The following AKT3 variants were observed in gnomAD, a reference collection of about 807,000 sequenced individuals.
The protein encoded by AKT3 is RAC-gamma serine/threonine-protein kinase.
AKT3 carries 15 observed loss-of-function variants against 65.3 expected under a neutral mutation model. That is an observed-to-expected ratio of 0.23 (90% CI 0.15 to 0.35). AKT3 has a LOEUF of 0.35. AKT3 is among the 10% of genes least tolerant of loss of function. The pLI is 1.00. For missense variants in AKT3, 243 were observed against 576.5 expected (o/e 0.42, Z 5.92); for synonymous variants, 206 against 183.8 (o/e 1.12, Z -0.98).
intron 2 of AKT3, among the ~76,000 whole-genome samples, chr1:243,803,692 A>G (rs1692530651): frequency 7.4e-6 from 1 of 135,204 alleles, no homozygotes; most frequent in Admixed American, 7.5e-5. Context: ...ACACACACAC[A>G]TAAGACTGAA....
At chr1:243,579,709 A>G (rs1675196612) in intron 8 of AKT3, among the ~76,000 whole-genome samples, 1 of 152,246 alleles carries the variant, frequency 6.6e-6, no homozygotes, top group Non-Finnish European at 1.5e-5. Flanking sequence ...ATTGACTTAT[A>G]TAACTACAAT....
intron 4 of AKT3, among the ~76,000 whole-genome samples, chr1:243,655,519 G>A (rs1324315033): frequency 6.6e-6 from 1 of 151,170 alleles, no homozygotes; most frequent in Non-Finnish European, 1.5e-5. Context: ...AACAAGTCCT[G>A]GACACAACAC....
chr1:243,846,075 A>G (rs1004774055), intron 1 of AKT3, among the ~76,000 whole-genome samples: 2 of 152,230 alleles, frequency 1.3e-5, no homozygotes, highest in Non-Finnish European at 2.9e-5. Context: ...AGATGGCATC[A>G]TAAGTGAAAG....
At chr1:243,497,306 A>T (rs1397732223), downstream of AKT3, among the ~76,000 whole-genome samples, 2 of 117,246 alleles carry the variant, frequency 1.7e-5, no homozygotes, top group African/African-American at 3.3e-5. Flanking sequence ...CTGAACGCTC[A>T]CCATGGGTCA....
intron 10 of AKT3, among the ~76,000 whole-genome samples, chr1:243,557,647 C>CT (rs2148476112): frequency 6.6e-6 from 1 of 152,002 alleles, no homozygotes; most frequent in Non-Finnish European, 1.5e-5. Flanking sequence ...ATATATTCAA[C>CT]TAAATAGTAA....
chr1:243,685,844 T>C (rs986375612), intron 3 of AKT3, among the ~76,000 whole-genome samples: 8 of 152,176 alleles, frequency 5.3e-5, no homozygotes, highest in African/African-American at 1.7e-4. Context: ...CATGATTGTA[T>C]ATTTAGAAAA....
At chr1:243,495,129 C>T (rs1295532442), downstream of AKT3, among the ~76,000 whole-genome samples, 1 of 152,232 alleles carries the variant, frequency 6.6e-6, no homozygotes, top group African/African-American at 2.4e-5. Flanking sequence ...ACTCAGACCC[C>T]ACGGTTGGGA....
At chr1:243,759,872 T>G (rs1689377342) in intron 2 of AKT3, among the ~76,000 whole-genome samples, 1 of 152,154 alleles carries the variant, frequency 6.6e-6, no homozygotes, top group East Asian at 1.9e-4. Flanking sequence ...CTGAGAACAA[T>G]TTAAAATGTA....
chr1:243,664,699 T>C, intron 4 of AKT3, 73 bp downstream of exon 4: 1 of 596,926 alleles, frequency 1.7e-6, no homozygotes, highest in South Asian at 3.1e-5. Flanking sequence ...TTACAAATAA[T>C]AAAGTCAGAT....
At chr1:243,786,504 A>T (rs1205873927) in intron 2 of AKT3, among the ~76,000 whole-genome samples, 1 of 152,216 alleles carries the variant, frequency 6.6e-6, no homozygotes, top group Non-Finnish European at 1.5e-5. Context: ...TGGCCTTTCC[A>T]TCAGCTCAAG....
At chr1:243,841,016 T>G (rs1411994869) in intron 2 of AKT3, among the ~76,000 whole-genome samples, 6 of 152,142 alleles carry the variant, frequency 3.9e-5, no homozygotes. Context: ...GATAGGGAGA[T>G]TTTTATTTTT....
rs1684384559 is a variant in AKT3, at chr1:243,687,197, T to C, written c.172+8394A>G. 2.0e-5 allele frequency among the ~76,000 whole-genome samples: 3 copies of C among 152,338 alleles called. No individual in the cohort carries two copies. The South Asian group carries it at 6.2e-4, about 32-fold the overall frequency. On this transcript the variant is annotated intron_variant, in intron 3 of 13. Transcript: ENST00000673466. ...CTGTGGGACATTTTTAAAATGAGTA[T>C]GCATGGTCACTGTCTTCTACAAGTT...
At chr1:243,489,001 G>A (rs1196906126) in intron 13 of AKT3, 2 of 1,613,168 alleles carry the variant, frequency 1.2e-6, no homozygotes, top group Non-Finnish European at 1.7e-6. Context: ...TTCTGCGGTG[G>A]ATTTTTCTCC....
intron 2 of AKT3, among the ~76,000 whole-genome samples, chr1:243,703,305 A>G (rs1260011407): frequency 1.3e-5 from 2 of 152,208 alleles, no homozygotes; most frequent in East Asian, 3.8e-4. Flanking sequence ...AATGCATGAC[A>G]ATAAATATAA....
chr1:243,533,019 T>C (rs867279179), intron 12 of AKT3, among the ~76,000 whole-genome samples: 16 of 152,224 alleles, frequency 1.1e-4, no homozygotes, highest in Admixed American at 5.9e-4. Flanking sequence ...TGATTCAGTA[T>C]TTCATTTTTC....
At chr1:243,741,171 T>C (rs1688131880) in intron 2 of AKT3, among the ~76,000 whole-genome samples, 1 of 152,184 alleles carries the variant, frequency 6.6e-6, no homozygotes. Flanking sequence ...AGACTTTTAG[T>C]ATTTTCATGA....
Position 243,707,225 on chromosome 1 carries a change from G to A in AKT3, c.47-11509C>T, listed in dbSNP as rs138357338. ...ATGTTAGACTACACAAAAGTAACTA[G>A]AGTGTTTAAAATAAAATGGAATTTC... is the stretch of plus-strand genomic sequence containing the variant. On this transcript the variant is annotated intron_variant, in intron 2 of 13. Coordinates refer to ENST00000673466, the MANE Select transcript of AKT3 (RefSeq NM_005465.7). Among the ~76,000 whole-genome samples, 22 of 152,172 alleles carry A rather than the reference G, an allele frequency of 1.4e-4. No homozygotes were observed. The South Asian group carries it at 4.6e-3, about 32-fold the overall frequency.
At chr1:243,820,170 C>T (rs1313160111) in intron 2 of AKT3, among the ~76,000 whole-genome samples, 1 of 152,152 alleles carries the variant, frequency 6.6e-6, no homozygotes, top group African/African-American at 2.4e-5. Flanking sequence ...CCACCTGCCT[C>T]GGCCTCCCAA....
intron 2 of AKT3, among the ~76,000 whole-genome samples, chr1:243,712,972 C>T (rs1164014622): frequency 1.3e-5 from 2 of 152,116 alleles, no homozygotes; most frequent in Non-Finnish European, 2.9e-5. Context: ...ATGTACTGAT[C>T]AAAAAGGCCA....
Sources: allele counts gnomAD v4.1 joint callset (sites outside exome capture counted in the v4.1 genomes callset), GRCh38; gene constraint gnomAD v4.1.1; transcripts MANE v1.5; gene names NCBI Gene and HGNC (gene_info 2026-07-23, HGNC 2026-07-21).